The following ICA1 variants were observed in gnomAD, a reference collection of about 807,000 sequenced individuals.
The protein encoded by ICA1 is 69 kDa islet cell autoantigen.
In ICA1, 40 loss-of-function variants were observed where a neutral mutation model predicts 71.0. That is an observed-to-expected ratio of 0.56 (90% confidence interval 0.44 to 0.73). ICA1 has a LOEUF of 0.73. Among genes scored for constraint, ICA1 ranks in the 30% least tolerant of loss-of-function variants. The pLI is 0.00. For synonymous variants in ICA1, 207 were observed against 209.5 expected (o/e 0.99, Z 0.10); for missense variants, 578 against 576.5 (o/e 1.00, Z -0.03).
At chr7:8,139,644 C>T (rs35338938) in intron 10 of ICA1, among the ~76,000 whole-genome samples, 3 of 152,004 alleles carry the variant, frequency 2.0e-5, no homozygotes, top group Non-Finnish European at 4.4e-5. Flanking sequence ...TAACACCAAG[C>T]GTGAATGCTA....
At chr7:8,153,645 A>G (rs1800441680) in intron 8 of ICA1, among the ~76,000 whole-genome samples, 1 of 152,074 alleles carries the variant, frequency 6.6e-6, no homozygotes, top group Non-Finnish European at 1.5e-5. Context: ...ACAGAATTTC[A>G]TTTAGTATTT....
chr7:8,159,304 T>C (rs1350405786), intron 6 of ICA1, among the ~76,000 whole-genome samples: 1 of 152,200 alleles, frequency 6.6e-6, no homozygotes, highest in African/African-American at 2.4e-5. Context: ...CCTTAAACCA[T>C]ACAGGAATTT....
In ICA1 at chr7:8,146,882, GCACA is replaced by G. The variant is rs144575495; in HGVS notation, c.805-2914_805-2911del. On this transcript the variant is annotated intron_variant, in intron 8 of 13. Coordinates refer to ENST00000402384, the MANE Select transcript of ICA1 (RefSeq NM_001136020.3). ...TACACACACACACACACACACACAC[GCACA>G]CACACACACACACACACACACTCGC... Among the ~76,000 whole-genome samples the G allele has an allele frequency of 1.3e-3, 175 of 139,428 alleles. 1 individual carries two copies. Among genetic ancestry groups the G allele is most frequent in the Middle Eastern group, 7.6e-3 (2 of 262 alleles). The allele number at this position is 139,428 out of a possible 152,430, so 91.5% of individuals were successfully genotyped here. A position where few individuals can be genotyped will look rare whatever the true frequency, so the allele number is the denominator to read the frequency against.
intron 7 of ICA1, 180 bp from the exon 8 acceptor site, chr7:8,157,394 C>T (rs1428513297): frequency 1.6e-6 from 1 of 618,080 alleles, no homozygotes; most frequent in East Asian, 3.0e-5. Flanking sequence ...AAATGCCTCC[C>T]TGTTTCCCCA....
chr7:8,146,980 G>A (rs1351390643), intron 8 of ICA1, among the ~76,000 whole-genome samples: 1 of 151,628 alleles, frequency 6.6e-6, no homozygotes, highest in African/African-American at 2.4e-5. Flanking sequence ...AATATTTTCA[G>A]CCAAGGTTCT....
intron 8 of ICA1, among the ~76,000 whole-genome samples, chr7:8,152,009 T>C (rs1798967588): frequency 6.6e-6 from 1 of 152,204 alleles, no homozygotes; most frequent in South Asian, 2.1e-4. Flanking sequence ...ATTGCATTTT[T>C]TAGAATTAGC....
At chr7:8,188,399 A>G (rs1784540527) in intron 6 of ICA1, among the ~76,000 whole-genome samples, 1 of 152,168 alleles carries the variant, frequency 6.6e-6, no homozygotes, top group South Asian at 2.1e-4. Flanking sequence ...CTGCTCTTCC[A>G]TGGTCGCTTC....
In ICA1 at chr7:8,130,346, T is replaced by A. The variant is rs1038640234; in HGVS notation, c.1061-2204A>T. On this transcript the variant is annotated intron_variant, in intron 12 of 13. Coordinates refer to ENST00000402384, the MANE Select transcript of ICA1 (RefSeq NM_001136020.3). This position sits in a 1 kb window ranked among gnomAD's most constrained non-coding sequence, Gnocchi z 4.2. ...CAGGCAGGTGGCCCACCTCTGTGGA[T>A]GAAGGCAGGAGCTGAAGGAAAGGAA... 1.3e-5 allele frequency among the ~76,000 whole-genome samples: 2 copies of A among 152,214 alleles called. No individual in the cohort carries two copies. The highest frequency in any genetic ancestry group is 2.9e-5 in the Non-Finnish European group (2 of 68,038).
intron 13 of ICA1, among the ~76,000 whole-genome samples, chr7:8,114,418 G>A (rs1329564648): frequency 1.3e-5 from 2 of 152,224 alleles, no homozygotes; most frequent in African/African-American, 4.8e-5. Flanking sequence ...GAAGCAAGGG[G>A]CTTTCCACTG....
intron 6 of ICA1, among the ~76,000 whole-genome samples, chr7:8,205,461 T>C (rs1433405069): frequency 6.6e-6 from 1 of 152,156 alleles, no homozygotes; most frequent in Non-Finnish European, 1.5e-5. Flanking sequence ...TACACTTTGT[T>C]AAAAGGAGCC....
intron 1 of ICA1, among the ~76,000 whole-genome samples, chr7:8,261,197 T>C (rs952888877): frequency 3.3e-5 from 5 of 152,136 alleles, no homozygotes; most frequent in Admixed American, 2.6e-4. Flanking sequence ...CTTTCCAAAC[T>C]AACTCTCCCC....
intron 6 of ICA1, among the ~76,000 whole-genome samples, chr7:8,190,116 T>C (rs897491004): frequency 6.6e-6 from 1 of 152,200 alleles, no homozygotes; most frequent in Admixed American, 6.5e-5. Flanking sequence ...ATGAAGTGCC[T>C]GTCTGACATT....
intron 6 of ICA1, among the ~76,000 whole-genome samples, chr7:8,165,284 C>A (rs1805493229): frequency 6.6e-6 from 1 of 152,192 alleles, no homozygotes; most frequent in Non-Finnish European, 1.5e-5. Context: ...CCACTCATGG[C>A]AGAAGCAATT....
intron 13 of ICA1, among the ~76,000 whole-genome samples, chr7:8,124,229 T>A (rs1788189211): frequency 6.7e-6 from 1 of 149,046 alleles, no homozygotes; most frequent in African/African-American, 2.5e-5. Flanking sequence ...CACGCCATTC[T>A]CCTGCCTCAG....
At position 8,129,116 on chromosome 7, in the gene ICA1, C is replaced by T. The variant is rs941261442; in HGVS notation, c.1061-974G>A. Among the ~76,000 whole-genome samples the T allele has an allele frequency of 2.0e-5, 3 of 152,188 alleles. No individual in the cohort carries two copies. In the South Asian group the frequency reaches 6.2e-4, roughly 31 times the overall value. ...AGTAGCATTACTATCAGAAATCTTA[C>T]ACCAAGTCCTTTCACTGGGTTTATT... is the stretch of plus-strand genomic sequence containing the variant. On this transcript the variant is annotated intron_variant, in intron 12 of 13. Coordinates refer to ENST00000402384, the MANE Select transcript of ICA1 (RefSeq NM_001136020.3).
chr7:8,224,246 G>A (rs528077614), intron 4 of ICA1, among the ~76,000 whole-genome samples: 5 of 152,238 alleles, frequency 3.3e-5, no homozygotes, highest in South Asian at 2.1e-4. Context: ...TCTGAATGAC[G>A]ATAGCCTTGG....
Position 8,194,386 on chromosome 7 carries a change from G to A in ICA1, c.579+23919C>T, listed in dbSNP as rs186125906. 9.9e-5 allele frequency among the ~76,000 whole-genome samples: 15 copies of A among 152,236 alleles called. No homozygotes were observed. In the South Asian group the frequency reaches 1.2e-3, roughly 13 times the overall value. Reference sequence around the variant, plus strand: ...CATGTTTATTTATAAAATAAAAGACGTTAACATCTTGTTTTCAATTTTCTT... The same window carrying A: ...CATGTTTATTTATAAAATAAAAGACATTAACATCTTGTTTTCAATTTTCTT... On this transcript the variant is annotated intron_variant, in intron 6 of 13. Coordinates refer to ENST00000402384, the MANE Select transcript of ICA1 (RefSeq NM_001136020.3).
intron 1 of ICA1, among the ~76,000 whole-genome samples, chr7:8,238,659 A>G (rs1215806517): frequency 6.6e-6 from 1 of 152,132 alleles, no homozygotes; most frequent in Non-Finnish European, 1.5e-5. Flanking sequence ...TTTGCTTATT[A>G]AAATGCCTTT....
rs375341251 is a variant in ICA1, at chr7:8,226,420, C to CT, written c.256+2180dup. Among the ~76,000 whole-genome samples, 6 of 152,196 alleles carry CT rather than the reference C, an allele frequency of 3.9e-5. No individual in the cohort carries two copies. Among genetic ancestry groups the CT allele is most frequent in the Middle Eastern group, 3.4e-3 (1 of 294 alleles). On this transcript the variant is annotated intron_variant, in intron 4 of 13. Transcript: ENST00000402384. The surrounding 1 kb of genome is among the most constrained non-coding windows in gnomAD (Gnocchi z 4.4). ...AATACACACACTCTCCATATATTAC[C>CT]TTTTTTTACATTTATATTTTATATC...
Sources: allele counts gnomAD v4.1 joint callset (sites outside exome capture counted in the v4.1 genomes callset), GRCh38; gene constraint gnomAD v4.1.1; non-coding constraint Gnocchi (gnomAD v3.1); transcripts MANE v1.5; gene names NCBI Gene and HGNC (gene_info 2026-07-23, HGNC 2026-07-21).